The following DLGAP2 variants were observed in gnomAD, a reference collection of about 807,000 sequenced individuals.
DLGAP2 encodes the protein disks large-associated protein 2.
DLGAP2 carries 26 observed loss-of-function variants against 100.3 expected under a neutral mutation model. The ratio of observed to expected loss-of-function variants is 0.26; its 90% CI spans 0.19 to 0.36. The LOEUF (loss-of-function observed/expected upper bound fraction) is 0.36, where lower values mean the gene tolerates loss of function less well. DLGAP2 is among the 10% of genes least tolerant of loss of function. The pLI, the probability that DLGAP2 is intolerant of heterozygous loss-of-function variation, is 1.00. For missense variants in DLGAP2, 1,858 were observed against 1,453.2 expected (o/e 1.28, Z -4.53); for synonymous variants, 886 against 630.1 (o/e 1.41, Z -6.08).
chr8:1,690,200 A>T (rs1289814876), intron 12 of DLGAP2, among the ~76,000 whole-genome samples: 1 of 151,934 alleles, frequency 6.6e-6, no homozygotes, highest in East Asian at 1.9e-4. Flanking sequence ...TACTAAAAAT[A>T]CAAAAATTAG....
chr8:980,543 C>T (rs956057437), intron 2 of DLGAP2, among the ~76,000 whole-genome samples: 1 of 152,192 alleles, frequency 6.6e-6, no homozygotes. Context: ...TTTCTGTTCT[C>T]TCTTCGCCAA....
intron 2 of DLGAP2, among the ~76,000 whole-genome samples, chr8:1,084,685 T>C (rs1175753477): frequency 1.3e-5 from 2 of 152,254 alleles, no homozygotes; most frequent in African/African-American, 2.4e-5. Context: ...ATTCCATGCA[T>C]GTTTTCAGAA....
chr8:752,049 C>T (rs926877378), intron 1 of DLGAP2, among the ~76,000 whole-genome samples: 1 of 152,220 alleles, frequency 6.6e-6, no homozygotes, highest in Non-Finnish European at 1.5e-5. Flanking sequence ...CCCTCCAGGG[C>T]TCTGGTGTGG....
intron 1 of DLGAP2, among the ~76,000 whole-genome samples, chr8:830,063 T>C (rs1472683608): frequency 6.6e-6 from 1 of 152,244 alleles, no homozygotes; most frequent in East Asian, 1.9e-4. Flanking sequence ...TTAAAGATCT[T>C]CATTGTAAAG....
rs371108284 is a variant in DLGAP2, at chr8:1,408,685, C to G, written c.107-92681C>G. On this transcript the variant is annotated intron_variant, in intron 3 of 14. Transcript: ENST00000637795. ...GATGTTTGAGGCCTTCTAGCAAGTC[C>G]TTGTTTCAGGCTTTCACAGGACAGT... Among the ~76,000 whole-genome samples, 29 of 152,144 alleles carry G rather than the reference C, an allele frequency of 1.9e-4. 1 individual carries two copies. Among genetic ancestry groups the G allele is most frequent in the East Asian group, 1.2e-3 (6 of 5,198 alleles).
At chr8:1,223,181 A>G (rs1464332991) in intron 2 of DLGAP2, among the ~76,000 whole-genome samples, 1 of 152,176 alleles carries the variant, frequency 6.6e-6, no homozygotes, top group African/African-American at 2.4e-5. Flanking sequence ...ACTCAAGGCC[A>G]ATAACAAGTC....
intron 3 of DLGAP2, among the ~76,000 whole-genome samples, chr8:1,367,928 G>T (rs750415702): frequency 6.6e-6 from 1 of 152,334 alleles, no homozygotes; most frequent in East Asian, 1.9e-4. Context: ...CAGTTGTTCC[G>T]GATGATCTTT....
intron 3 of DLGAP2, among the ~76,000 whole-genome samples, chr8:1,308,380 A>G (rs1430449400): frequency 6.6e-6 from 1 of 152,242 alleles, no homozygotes; most frequent in East Asian, 1.9e-4. Context: ...CCAGCCTTCA[A>G]CAATCAAAAA....
At chr8:1,457,937 A>G (rs1335552372) in intron 3 of DLGAP2, among the ~76,000 whole-genome samples, 3 of 145,078 alleles carry the variant, frequency 2.1e-5, no homozygotes, top group East Asian at 4.0e-4. Flanking sequence ...GGGAAATTAT[A>G]AAAGCTAAAC....
chr8:936,959 T>G (rs1479387202), intron 2 of DLGAP2, among the ~76,000 whole-genome samples: 2 of 152,218 alleles, frequency 1.3e-5, no homozygotes, highest in Non-Finnish European at 2.9e-5. Flanking sequence ...TACTGCCCTT[T>G]CTAAAGGCCT....
intron 3 of DLGAP2, among the ~76,000 whole-genome samples, chr8:1,463,084 A>G (rs1015663588): frequency 6.6e-6 from 1 of 152,106 alleles, no homozygotes; most frequent in Non-Finnish European, 1.5e-5. Context: ...CCCCATCTCT[A>G]CTAAAAATAC....
At chr8:1,567,362 C>T (rs1306594238) in intron 6 of DLGAP2, among the ~76,000 whole-genome samples, 1 of 152,224 alleles carries the variant, frequency 6.6e-6, no homozygotes, top group African/African-American at 2.4e-5. Flanking sequence ...GCTCCAAGGC[C>T]AGCCTCAGTC....
intron 3 of DLGAP2, among the ~76,000 whole-genome samples, chr8:1,269,701 C>G (rs938084716): frequency 6.6e-6 from 1 of 152,024 alleles, no homozygotes; most frequent in Non-Finnish European, 1.5e-5. Context: ...CTGTGCACCC[C>G]CCTCCCCCAG....
intron 5 of DLGAP2, among the ~76,000 whole-genome samples, chr8:1,553,807 G>C (rs1217981026): frequency 6.6e-6 from 1 of 152,212 alleles, no homozygotes; most frequent in Admixed American, 6.5e-5. Flanking sequence ...AGGCCGTGCA[G>C]ATCCCTGGCT....
chr8:1,449,862 A>G (rs1563156297), intron 3 of DLGAP2, among the ~76,000 whole-genome samples: 6 of 146,506 alleles, frequency 4.1e-5, no homozygotes. Context: ...GAGGGTGAAG[A>G]CGAGGTGGGC....
chr8:1,252,081 G>A (rs1474864969), intron 2 of DLGAP2, among the ~76,000 whole-genome samples: 1 of 146,716 alleles, frequency 6.8e-6, no homozygotes, highest in African/African-American at 2.7e-5. Context: ...TCGTGTGGGT[G>A]TGTTGTGTTG....
At chr8:1,426,271 G>T (rs1042783704) in intron 3 of DLGAP2, among the ~76,000 whole-genome samples, 9 of 152,180 alleles carry the variant, frequency 5.9e-5, no homozygotes, top group Non-Finnish European at 1.0e-4. Flanking sequence ...TATGAAAAAC[G>T]AGGAGACTAA....
chr8:1,192,587 C>G (rs980930051), intron 2 of DLGAP2, among the ~76,000 whole-genome samples: 1 of 148,476 alleles, frequency 6.7e-6, no homozygotes, highest in Non-Finnish European at 1.5e-5. Context: ...CCTCTCCACT[C>G]CCACGAGTCT....
chr8:1,317,229 A>G (rs1800777214), intron 3 of DLGAP2, among the ~76,000 whole-genome samples: 5 of 137,740 alleles, frequency 3.6e-5, no homozygotes, highest in South Asian at 2.4e-4. Flanking sequence ...GACACTCGGC[A>G]GCGTTTAAAA....
Sources: gnomAD v4.1 joint callset for allele counts (sites outside exome capture counted in the v4.1 genomes callset) on GRCh38, gnomAD v4.1.1 for gene constraint, MANE v1.5 for transcripts, NCBI Gene and HGNC (gene_info 2026-07-23, HGNC 2026-07-21) for gene names.